The following PLXDC2 variants were observed in gnomAD, a reference collection of about 807,000 sequenced individuals.
PLXDC2 encodes plexin domain containing 2.
PLXDC2 carries 40 observed loss-of-function variants against 68.9 expected under a neutral mutation model. The observed-to-expected ratio is 0.58, with a 90% CI of 0.45 to 0.76. The LOEUF (loss-of-function observed/expected upper bound fraction) is 0.76, where lower values mean the gene tolerates loss of function less well. Ranked by LOEUF, PLXDC2 falls within the 30% of genes least tolerant of loss-of-function variation. The probability of loss-of-function intolerance (pLI) is 0.00; values close to 1 mark genes in which losing one functional copy is unlikely to be tolerated. For synonymous variants in PLXDC2, 243 were observed against 234.2 expected (o/e 1.04, Z -0.34); for missense variants, 644 against 661.9 (o/e 0.97, Z 0.30).
At chr10:19,870,311 C>T (rs1837511318) in intron 1 of PLXDC2, among the ~76,000 whole-genome samples, 1 of 152,070 alleles carries the variant, frequency 6.6e-6, no homozygotes, top group South Asian at 2.1e-4. Flanking sequence ...TTCTTCACCT[C>T]TGAATATAGT....
At chr10:20,158,056 T>C (rs1347475082) in intron 6 of PLXDC2, among the ~76,000 whole-genome samples, 2 of 151,980 alleles carry the variant, frequency 1.3e-5, no homozygotes, top group African/African-American at 4.8e-5. Flanking sequence ...ATAATAAAGC[T>C]ACATTGTTTA....
At chr10:20,252,060 A>G (rs1282759041) in intron 13 of PLXDC2, among the ~76,000 whole-genome samples, 1 of 152,218 alleles carries the variant, frequency 6.6e-6, no homozygotes, top group African/African-American at 2.4e-5. Flanking sequence ...AAATGAAATC[A>G]GAAGAAGCAA....
intron 1 of PLXDC2, among the ~76,000 whole-genome samples, chr10:19,934,834 A>G (rs10827908): frequency 1 from 151,784 of 152,338 alleles, 75,617 homozygotes; most frequent in Middle Eastern, 1. Flanking sequence ...GGTCTTCATC[A>G]AGACCTGTTC....
At position 20,130,923 on chromosome 10, in the gene PLXDC2, T is replaced by G. The variant is rs117223809; in HGVS notation, c.542-12372T>G. Among the ~76,000 whole-genome samples the G allele has an allele frequency of 1.7e-3, 261 of 152,320 alleles. 9 individuals are homozygous for G. The East Asian group carries it at 0.041, about 24-fold the overall frequency. ...TCTGCATCTACATTCATCAGGGATA[T>G]TGACCTGTAGTTTTCTTTTATTGTA... On this transcript the variant is annotated intron_variant, in intron 4 of 13. Transcript: ENST00000377252.
chr10:19,890,625 T>A (rs1291271085), intron 1 of PLXDC2, among the ~76,000 whole-genome samples: 1 of 137,310 alleles, frequency 7.3e-6, no homozygotes, highest in Non-Finnish European at 1.5e-5. Flanking sequence ...TCCACCCGCC[T>A]CAGCATCCCA....
At chr10:20,066,488 A>C (rs553225500) in intron 3 of PLXDC2, among the ~76,000 whole-genome samples, 1 of 152,346 alleles carries the variant, frequency 6.6e-6, no homozygotes, top group South Asian at 2.1e-4. Context: ...ACAATATAAT[A>C]AGCAAGTGCT....
intron 9 of PLXDC2, among the ~76,000 whole-genome samples, chr10:20,177,747 A>G (rs981808402): frequency 9.3e-5 from 3 of 32,324 alleles, no homozygotes; most frequent in African/African-American, 2.6e-4. Flanking sequence ...TTTACAAAAA[A>G]TAAGAAAAAA....
chr10:20,160,167 A>G (rs1834272021), intron 6 of PLXDC2, among the ~76,000 whole-genome samples: 1 of 152,188 alleles, frequency 6.6e-6, no homozygotes, highest in Non-Finnish European at 1.5e-5. Flanking sequence ...TCAAATGGAC[A>G]GTGTGTATGC....
At chr10:20,087,507 C>G (rs936271931) in intron 4 of PLXDC2, among the ~76,000 whole-genome samples, 3 of 152,042 alleles carry the variant, frequency 2.0e-5, no homozygotes, top group African/African-American at 7.2e-5. Context: ...TGATGTTGTC[C>G]AGGGAGATAT....
At chr10:19,882,498 C>T (rs1049774428) in intron 1 of PLXDC2, among the ~76,000 whole-genome samples, 1 of 152,110 alleles carries the variant, frequency 6.6e-6, no homozygotes, top group Non-Finnish European at 1.5e-5. Context: ...ACTGGTAGAC[C>T]CAGGACTTAA....
intron 1 of PLXDC2, among the ~76,000 whole-genome samples, chr10:19,863,372 G>A (rs1837350732): frequency 6.6e-6 from 1 of 152,170 alleles, no homozygotes; most frequent in Non-Finnish European, 1.5e-5. Flanking sequence ...GTGCTTGCAG[G>A]GCTGGTACGT....
chr10:19,907,599 C>T lies in PLXDC2; in HGVS notation c.112+90408C>T, dbSNP rs555643825. ...GAACATGAAAGCAATGGCAACATAC[C>T]ATACCTTATTATATTAGCTTTCCTA... On this transcript the variant is annotated intron_variant, in intron 1 of 13. Transcript: ENST00000377252. 1.6e-3 allele frequency among the ~76,000 whole-genome samples: 251 copies of T among 152,246 alleles called. 1 individual carries two copies. The highest frequency in any genetic ancestry group is 5.9e-3 in the African/African-American group (244 of 41,550).
At chr10:20,241,252 C>T (rs946295598) in intron 12 of PLXDC2, among the ~76,000 whole-genome samples, 7 of 152,174 alleles carry the variant, frequency 4.6e-5, no homozygotes, top group Non-Finnish European at 4.4e-5. Flanking sequence ...ACTCAAGGTG[C>T]AAATCTGGTT....
chr10:20,111,012 C>G (rs541799000), intron 4 of PLXDC2, among the ~76,000 whole-genome samples: 1 of 152,270 alleles, frequency 6.6e-6, no homozygotes, highest in African/African-American at 2.4e-5. Flanking sequence ...CCACATAATT[C>G]TACCAAACAA....
In PLXDC2 at chr10:19,854,292, A is replaced by G. The variant is rs973902835; in HGVS notation, c.112+37101A>G. On this transcript the variant is annotated intron_variant, in intron 1 of 13. Coordinates refer to ENST00000377252, the MANE Select transcript of PLXDC2 (RefSeq NM_032812.9). ...TGAAATGATAGCATCTTAAAAGAAA[A>G]CACCCATTTGTCTTTCCACAACAAC... Among the ~76,000 whole-genome samples the G allele has an allele frequency of 5.3e-5, 8 of 152,294 alleles. No homozygotes were observed. In the South Asian group the frequency reaches 1.7e-3, roughly 32 times the overall value.
rs1463027025 is a variant in PLXDC2, at chr10:20,046,849, A to C, written c.325-20A>C. On this transcript the variant is annotated intron_variant, in intron 2 of 13. Coordinates refer to ENST00000377252, the MANE Select transcript of PLXDC2 (RefSeq NM_032812.9). Reference sequence around the variant, plus strand: ...TAAAACATCTCGGTTCTTGATATACATTATTATCTATTATTGCAGGAGGAT... The same window carrying C: ...TAAAACATCTCGGTTCTTGATATACCTTATTATCTATTATTGCAGGAGGAT... 6.3e-7 allele frequency: 1 copy of C among 1,584,100 alleles called. No homozygotes were observed. The highest frequency in any genetic ancestry group is 1.4e-5 in the African/African-American group (1 of 73,426).
chr10:20,233,396 G>A (rs948286123), intron 12 of PLXDC2, among the ~76,000 whole-genome samples: 3 of 151,926 alleles, frequency 2.0e-5, no homozygotes, highest in East Asian at 1.9e-4. Flanking sequence ...GCATGGGGGT[G>A]CACAACTTCC....
At chr10:20,253,602 A>C (rs1835706808) in intron 13 of PLXDC2, among the ~76,000 whole-genome samples, 1 of 152,108 alleles carries the variant, frequency 6.6e-6, no homozygotes, top group Admixed American at 6.6e-5. Flanking sequence ...TTCTATCAGC[A>C]AAATCAGGAT....
intron 1 of PLXDC2, among the ~76,000 whole-genome samples, chr10:19,988,569 T>A (rs1371832890): frequency 6.6e-6 from 1 of 152,056 alleles, no homozygotes; most frequent in East Asian, 1.9e-4. Flanking sequence ...ATATTAAAAA[T>A]GAAGTATTTA....
Sources: gnomAD v4.1 joint callset for allele counts (sites outside exome capture counted in the v4.1 genomes callset) on GRCh38, gnomAD v4.1.1 for gene constraint, MANE v1.5 for transcripts, NCBI Gene and HGNC (gene_info 2026-07-23, HGNC 2026-07-21) for gene names.